The following UNC13B variants were observed in gnomAD, a reference collection of about 807,000 sequenced individuals.
UNC13B encodes unc-13 homolog B.
Under a neutral mutation model 211.0 loss-of-function variants are expected in UNC13B, and 144 were observed. The ratio of observed to expected loss-of-function variants is 0.68; its 90% CI spans 0.60 to 0.78. The LOEUF is 0.78. Among genes scored for constraint, UNC13B ranks in the 30% least tolerant of loss-of-function variants. The pLI is 0.00. For missense variants in UNC13B, 1,777 were observed against 2,002.0 expected, an observed-to-expected ratio of 0.89 and a Z score of 2.14; for synonymous variants, 709 against 725.8, an observed-to-expected ratio of 0.98 and a Z score of 0.37.
intron 11 of UNC13B, among the ~76,000 whole-genome samples, chr9:35,314,475 A>C (rs1025715313): frequency 1.3e-4 from 20 of 152,162 alleles, no homozygotes; most frequent in African/African-American, 4.3e-4. Context: ...AATATTTTTC[A>C]TTTTCAGTGT....
Position 35,398,626 on chromosome 9 carries a change from A to T in UNC13B, c.11905A>T (p.Met3969Leu). The change falls in exon 32 of 40, where the codon ATG (methionine) becomes TTG (leucine). Residue 3969 changes from methionine to leucine, a missense_variant. Met to Leu is a conservative substitution (Grantham distance 15, BLOSUM62 2). Coordinates refer to ENST00000635942, the MANE Select transcript of UNC13B (RefSeq NM_001371189.2). ...GAATACGGTTCTGGATGAGCTCAGCATGGTGTTTGGAAACAGGTCAGTGAC... is the reference window on the plus strand; with the variant it reads ...GAATACGGTTCTGGATGAGCTCAGCTTGGTGTTTGGAAACAGGTCAGTGAC... ...KLNTVLDELS[M>L]VFGNSFQVRI... The T allele has an allele frequency of 1.9e-6, 3 of 1,614,018 alleles. No individual in the cohort carries two copies. Among genetic ancestry groups the T allele is most frequent in the Non-Finnish European group, 2.5e-6 (3 of 1,180,022 alleles).
chr9:35,252,788 G>A (rs368981592), intron 6 of UNC13B, among the ~76,000 whole-genome samples: 2 of 152,062 alleles, frequency 1.3e-5, no homozygotes, highest in African/African-American at 4.8e-5. Flanking sequence ...AAATTAGCCG[G>A]GCGTGTTGGC....
In UNC13B at chr9:35,310,528, A is replaced by G. The variant is rs746159249; in HGVS notation, c.9070A>G (p.Ser3024Gly). The change falls in exon 10 of 40, where the codon AGT becomes GGT. Residue 3024 changes from serine (S) to glycine (G), a missense_variant. Physicochemically the swap from Ser to Gly is moderately conservative, Grantham distance 56. Coordinates refer to ENST00000635942, the MANE Select transcript of UNC13B (RefSeq NM_001371189.2). The part of the protein sequence containing the change: ...CNVSQGSSQL[S>G]ELDQYHEQDD... ...TGTGAGTCAAGGAAGCTCTCAGCTA[A>G]GTGAACTAGACCAGTATCACGAACA... 2 of 1,614,152 alleles carry G rather than the reference A, an allele frequency of 1.2e-6. No homozygotes were observed. The highest frequency in any genetic ancestry group is 2.2e-5 in the East Asian group (1 of 44,888).
chr9:35,212,338 C>T (rs1212804983), intron 1 of UNC13B, among the ~76,000 whole-genome samples: 11 of 152,134 alleles, frequency 7.2e-5, no homozygotes, highest in South Asian at 2.1e-4. Flanking sequence ...TTTGGGAGGC[C>T]GAGATTAGTG....
chr9:35,233,086 G>A (rs938487348), intron 3 of UNC13B, among the ~76,000 whole-genome samples: 7 of 152,112 alleles, frequency 4.6e-5, no homozygotes, highest in African/African-American at 1.7e-4. Flanking sequence ...AGTGATATGA[G>A]ACCGAGAGCA....
intron 10 of UNC13B, among the ~76,000 whole-genome samples, chr9:35,313,624 C>CT (rs1830294711): frequency 1.3e-5 from 1 of 74,194 alleles, no homozygotes; most frequent in Non-Finnish European, 3.2e-5. Flanking sequence ...GACCCTGTCT[C>CT]AAAATAAATA....
intron 19 of UNC13B, 75 bp from the exon 20 acceptor site, chr9:35,381,481 G>A (rs1429989856): frequency 1.3e-6 from 2 of 1,504,246 alleles, no homozygotes; most frequent in Non-Finnish European, 9.0e-7. Flanking sequence ...CATTCTTCTG[G>A]GCTTTACCAC....
chr9:35,266,750 G>T (rs1169424244), intron 7 of UNC13B, among the ~76,000 whole-genome samples: 1 of 152,040 alleles, frequency 6.6e-6, no homozygotes, highest in East Asian at 1.9e-4. Context: ...TGTCTCATTT[G>T]GTAACTGATA....
At chr9:35,251,874 T>C (rs1826512976) in intron 6 of UNC13B, among the ~76,000 whole-genome samples, 1 of 152,192 alleles carries the variant, frequency 6.6e-6, no homozygotes, top group Non-Finnish European at 1.5e-5. Context: ...GTATTTTTTG[T>C]AGAGATGGTG....
At chr9:35,184,306 G>A (rs1278104036) in intron 1 of UNC13B, among the ~76,000 whole-genome samples, 1 of 152,208 alleles carries the variant, frequency 6.6e-6, no homozygotes, top group African/African-American at 2.4e-5. Flanking sequence ...CCCAGACGGG[G>A]TGGTGGCCGG....
intron 17 of UNC13B, among the ~76,000 whole-genome samples, chr9:35,380,021 A>G (rs1468594367): frequency 1.3e-5 from 2 of 152,196 alleles, no homozygotes; most frequent in Non-Finnish European, 2.9e-5. Context: ...AGAGTTAGAT[A>G]GAAAGCCAAA....
intron 7 of UNC13B, among the ~76,000 whole-genome samples, chr9:35,266,057 T>C (rs541225846): frequency 1.3e-5 from 2 of 152,194 alleles, no homozygotes; most frequent in East Asian, 3.9e-4. Flanking sequence ...CCTGGCTTGG[T>C]CTCCAAAAGT....
Position 35,308,034 on chromosome 9 carries a change from A to C in UNC13B, c.8630A>C (p.Glu2877Ala). The C allele has an allele frequency of 5.0e-6, 2 of 399,084 alleles. No individual in the cohort carries two copies. Among genetic ancestry groups the C allele is most frequent in the Non-Finnish European group, 8.8e-6 (2 of 226,130 alleles). The allele number at this position is 399,084 out of a possible 1,614,324, so 24.7% of individuals were successfully genotyped here. Residue 2877 changes from glutamate (E) to alanine (A), a missense_variant, in exon 9 of 40, where the codon GAG (glutamate) becomes GCG (alanine). Glu to Ala is a moderately radical substitution (Grantham distance 107). Coordinates refer to ENST00000635942, the MANE Select transcript of UNC13B (RefSeq NM_001371189.2). ...TSSDQDLNSS[E>A]ANKALKSSQI... ...AGTGATCAGGACCTTAACTCCAGTG[A>C]GGCTAACAAAGCTTTGAAGTCTTCT...
intron 1 of UNC13B, among the ~76,000 whole-genome samples, chr9:35,169,076 T>A (rs971379586): frequency 6.6e-6 from 1 of 152,150 alleles, no homozygotes; most frequent in African/African-American, 2.4e-5. Context: ...ACTGGACAGG[T>A]GAGGTGGCTC....
Position 35,295,728 on chromosome 9 carries a change from C to T in UNC13B, c.559C>T (p.Arg187Ter), listed in dbSNP as rs754109626. The stretch of plus-strand genomic sequence containing the variant: ...AGACCCTGATAGTGCCGTCGATGAC[C>T]GAGATAGTGACTATCGCAGTGAGAC... Reference protein sequence around the residue: ...FEDPDSAVDDRDSDYRSETSN... With the variant: ...FEDPDSAVDD Residue 187 changes from arginine to a stop codon, truncating the protein, a stop_gained, in exon 8 of 40, where the codon CGA becomes TGA. Coordinates refer to ENST00000635942, the MANE Select transcript of UNC13B (RefSeq NM_001371189.2). LOFTEE classifies it high-confidence loss of function. 9.3e-6 allele frequency: 15 copies of T among 1,613,958 alleles called. No homozygotes were observed. The highest frequency in any genetic ancestry group is 3.3e-5 in the Admixed American group (2 of 59,994).
chr9:35,188,807 C>T (rs1410035713), intron 1 of UNC13B, among the ~76,000 whole-genome samples: 25 of 152,068 alleles, frequency 1.6e-4, no homozygotes, highest in Non-Finnish European at 3.5e-4. Context: ...CAAAATTTAC[C>T]CTTGCATTAG....
intron 6 of UNC13B, among the ~76,000 whole-genome samples, chr9:35,251,771 T>C (rs1007863270): frequency 1.3e-5 from 2 of 152,198 alleles, no homozygotes; most frequent in African/African-American, 4.8e-5. Flanking sequence ...AGAAGATGTG[T>C]TTTCATAGTT....
chr9:35,213,376 A>G (rs772885660), intron 1 of UNC13B, among the ~76,000 whole-genome samples: 33 of 152,330 alleles, frequency 2.2e-4, no homozygotes, highest in Non-Finnish European at 2.1e-4. Flanking sequence ...TCTGCAAGCC[A>G]GGAAGTATGA....
chr9:35,316,354 T>C (rs76726576), intron 11 of UNC13B, among the ~76,000 whole-genome samples: 4 of 152,354 alleles, frequency 2.6e-5, no homozygotes, highest in African/African-American at 9.6e-5. Context: ...TTGTCATTTA[T>C]TTTGGTGCTC....
Sources: allele counts gnomAD v4.1 joint callset (sites outside exome capture counted in the v4.1 genomes callset), GRCh38; gene constraint gnomAD v4.1.1; transcripts MANE v1.5; gene names NCBI Gene and HGNC (gene_info 2026-07-23, HGNC 2026-07-21).